Variants in MED13L observed in about 807,000 individuals in gnomAD.
The protein encoded by MED13L is mediator complex subunit 13L, also known as mediator of RNA polymerase II transcription subunit 13-like.
A neutral mutation model predicts 220.9 loss-of-function variants in MED13L; 7 were observed. That is an observed-to-expected ratio of 0.03 (90% CI 0.02 to 0.06). MED13L has a LOEUF of 0.06. Ranked by LOEUF, MED13L falls within the 10% of genes least tolerant of loss-of-function variation. MED13L has a pLI of 1.00. For missense variants in MED13L, 1,965 were observed against 2,760.5 expected (o/e 0.71, Z 6.46); for synonymous variants, 1,011 against 1,015.2 (o/e 1.00, Z 0.08).
At chr12:116,024,230 T>C (rs144708237) in intron 4 of MED13L, among the ~76,000 whole-genome samples, 1,565 of 151,982 alleles carry the variant, frequency 0.01, 29 homozygotes, top group African/African-American at 0.035. Context: ...GCAAGGAGCC[T>C]GAAGTGACAC....
At chr12:116,155,962 T>C (rs1469734757) in intron 2 of MED13L, among the ~76,000 whole-genome samples, 6 of 152,084 alleles carry the variant, frequency 3.9e-5, no homozygotes, top group Non-Finnish European at 8.8e-5. Context: ...TCCATTATTG[T>C]GTATATAAAT....
intron 7 of MED13L, among the ~76,000 whole-genome samples, chr12:116,016,538 A>T (rs978554049): frequency 1.1e-4 from 17 of 152,204 alleles, no homozygotes; most frequent in Non-Finnish European, 1.3e-4. Context: ...GATAACATAG[A>T]CCTTCTCTCC....
At chr12:116,267,481 T>C (rs1175490508) in intron 1 of MED13L, among the ~76,000 whole-genome samples, 1 of 152,222 alleles carries the variant, frequency 6.6e-6, no homozygotes, top group Non-Finnish European at 1.5e-5. Flanking sequence ...AAAGGTCTCT[T>C]CCTACTAAAG....
chr12:116,053,766 T>C (rs1168154156), intron 4 of MED13L, among the ~76,000 whole-genome samples: 1 of 152,178 alleles, frequency 6.6e-6, no homozygotes, highest in Non-Finnish European at 1.5e-5. Flanking sequence ...TTAACTGAAA[T>C]GGCATGATAA....
At chr12:115,978,828 C>A (rs181177747) in intron 23 of MED13L, among the ~76,000 whole-genome samples, 2 of 152,022 alleles carry the variant, frequency 1.3e-5, no homozygotes, top group South Asian at 2.1e-4. Flanking sequence ...TTCTGAGATG[C>A]GAGATATTCC....
chr12:116,220,258 T>A (rs141679418), intron 2 of MED13L, among the ~76,000 whole-genome samples: 1 of 152,310 alleles, frequency 6.6e-6, no homozygotes, highest in East Asian at 1.9e-4. Context: ...AAAATAATAA[T>A]CTGAATTACT....
intron 2 of MED13L, among the ~76,000 whole-genome samples, chr12:116,221,438 T>C (rs1868431700): frequency 6.6e-6 from 1 of 151,710 alleles, no homozygotes; most frequent in Non-Finnish European, 1.5e-5. Context: ...GTTAATATTC[T>C]GAAAGAAAGA....
chr12:115,972,554 A>C (rs1876661698), intron 25 of MED13L: 1 of 372,536 alleles, frequency 2.7e-6, no homozygotes, highest in Non-Finnish European at 5.2e-6. Context: ...TGATGACAGC[A>C]GTGTTAGCTG....
intron 4 of MED13L, among the ~76,000 whole-genome samples, chr12:116,055,011 A>G (rs1868832352): frequency 6.6e-6 from 1 of 152,246 alleles, no homozygotes; most frequent in African/African-American, 2.4e-5. Context: ...AACTGCAACT[A>G]TACATAAGAC....
chr12:116,229,361 A>G (rs1869321843), intron 2 of MED13L, among the ~76,000 whole-genome samples: 2 of 152,232 alleles, frequency 1.3e-5, no homozygotes, highest in African/African-American at 4.8e-5. Context: ...TTTACTTTAT[A>G]TAAGTAGGTG....
chr12:116,233,387 T>C (rs1423910914), intron 2 of MED13L, among the ~76,000 whole-genome samples: 1 of 152,200 alleles, frequency 6.6e-6, no homozygotes, highest in Non-Finnish European at 1.5e-5. Flanking sequence ...CCTGTATTAT[T>C]ACTAAGTTAA....
At chr12:115,982,194 A>AAG in intron 22 of MED13L, 190 bp downstream of exon 22, 1 of 613,010 alleles carries the variant, frequency 1.6e-6, no homozygotes, top group East Asian at 2.8e-5. Context: ...GCCCACTGCA[A>AAG]AGGTCTCCCA....
chr12:116,043,184 C>G (rs1881639260), intron 4 of MED13L, among the ~76,000 whole-genome samples: 1 of 152,158 alleles, frequency 6.6e-6, no homozygotes, highest in African/African-American at 2.4e-5. Context: ...TCATGATACT[C>G]TGAATCCCTT....
intron 13 of MED13L, among the ~76,000 whole-genome samples, chr12:116,004,932 T>G (rs1367367228): frequency 1.3e-5 from 2 of 152,172 alleles, no homozygotes; most frequent in Admixed American, 6.5e-5. Context: ...TCCAGCAACT[T>G]TAGATTCAGG....
intron 17 of MED13L, among the ~76,000 whole-genome samples, chr12:115,988,485 C>T (rs2137295347): frequency 6.6e-6 from 1 of 152,276 alleles, no homozygotes; most frequent in Non-Finnish European, 1.5e-5. Context: ...TTATCTTCAG[C>T]CAGTGCTTCT....
intron 2 of MED13L, among the ~76,000 whole-genome samples, chr12:116,217,802 TG>T (rs1883093085): frequency 6.6e-6 from 1 of 152,148 alleles, no homozygotes; most frequent in Admixed American, 6.5e-5. Flanking sequence ...TAATATCTGA[TG>T]ATTAAATAAA....
At chr12:116,137,503 G>A (rs1876660985) in intron 2 of MED13L, among the ~76,000 whole-genome samples, 1 of 152,070 alleles carries the variant, frequency 6.6e-6, no homozygotes, top group Non-Finnish European at 1.5e-5. Flanking sequence ...CAAAGTATGG[G>A]CCTTTGGAAA....
intron 28 of MED13L, among the ~76,000 whole-genome samples, chr12:115,967,678 AC>A (rs1418894608): frequency 6.6e-6 from 1 of 152,222 alleles, no homozygotes; most frequent in East Asian, 1.9e-4. Flanking sequence ...GTCCAAGGTC[AC>A]AAAGCCCGTA....
chr12:116,141,164 T>C (rs1199769517), intron 2 of MED13L, among the ~76,000 whole-genome samples: 1 of 152,190 alleles, frequency 6.6e-6, no homozygotes, highest in Non-Finnish European at 1.5e-5. Flanking sequence ...AGTTATCATA[T>C]TAAATATCCA....
Sources: allele counts gnomAD v4.1 joint callset (sites outside exome capture counted in the v4.1 genomes callset), GRCh38; gene constraint gnomAD v4.1.1; transcripts MANE v1.5; gene names NCBI Gene and HGNC (gene_info 2026-07-23, HGNC 2026-07-21).